The following STK32C variants were observed in gnomAD, a reference collection of about 807,000 sequenced individuals.
STK32C encodes serine/threonine kinase 32C.
Under a neutral mutation model 56.5 loss-of-function variants are expected in STK32C, and 31 were observed. That is an observed-to-expected ratio of 0.55 (90% confidence interval 0.41 to 0.74). The LOEUF (loss-of-function observed/expected upper bound fraction) is 0.74, where lower values mean the gene tolerates loss of function less well. Ranked by LOEUF, STK32C falls within the 30% of genes least tolerant of loss-of-function variation. STK32C has a pLI of 0.00. For synonymous variants in STK32C, 309 were observed against 289.4 expected, an observed-to-expected ratio of 1.07 and a Z score of -0.69; for missense variants, 544 against 676.9, an observed-to-expected ratio of 0.80 and a Z score of 2.18.
chr10:132,271,583 C>G (rs374277113), intron 1 of STK32C, among the ~76,000 whole-genome samples: 1 of 152,166 alleles, frequency 6.6e-6, no homozygotes, highest in Admixed American at 6.5e-5. Context: ...AGAAGGTGGC[C>G]GTGGCGTCAG....
intron 1 of STK32C, among the ~76,000 whole-genome samples, chr10:132,246,294 C>T (rs1343724788): frequency 6.6e-6 from 1 of 152,246 alleles, no homozygotes; most frequent in Non-Finnish European, 1.5e-5. Context: ...CCAGCCACCC[C>T]CACTGAAAGC....
At chr10:132,283,893 C>A (rs11146310) in intron 1 of STK32C, among the ~76,000 whole-genome samples, 74,607 of 151,982 alleles carry the variant, frequency 0.49, 18,585 homozygotes, top group Admixed American at 0.58. Flanking sequence ...TCCAGCCCCG[C>A]CCCATCCAAA....
At chr10:132,327,183 C>T (rs1008848697) in intron 1 of STK32C, among the ~76,000 whole-genome samples, 3 of 152,124 alleles carry the variant, frequency 2.0e-5, no homozygotes, top group African/African-American at 7.2e-5. Flanking sequence ...CCAGGCTGTT[C>T]TTGTGATAGT....
intron 2 of STK32C, among the ~76,000 whole-genome samples, chr10:132,239,308 C>A (rs1417778190): frequency 6.6e-6 from 1 of 152,212 alleles, no homozygotes; most frequent in Non-Finnish European, 1.5e-5. Context: ...ACCCAGTAAA[C>A]ATTCTCTGGA....
chr10:132,307,813 G>A lies in STK32C; in HGVS notation c.21C>T (p.Arg7=). 1 of 1,053,090 alleles carries A rather than the reference G, an allele frequency of 9.5e-7. No homozygotes were observed. The highest frequency in any genetic ancestry group is 1.1e-6 in the Non-Finnish European group (1 of 871,774). 65.2% of individuals were successfully genotyped at this position (1,053,090 alleles called of 1,614,324 possible). ...GGGACGCCGCGGCGCTGCTGCCCCT[G>A]CGCTCGGCGCCACTCCTCATCGCCG... is the stretch of plus-strand genomic sequence containing the variant. MRSGAE[R]RGSSAAASPG... The change falls in exon 1 of 12, where the codon CGC becomes CGT. Residue 7 remains arginine, a synonymous_variant. Transcript: ENST00000298630. The surrounding 1 kb of genome is among the most constrained non-coding windows in gnomAD (Gnocchi z 4.4).
In STK32C at chr10:132,225,891, C is replaced by G. The variant is rs970488155; in HGVS notation, c.645-107G>C. The G allele has an allele frequency of 1.0e-5, 15 of 1,430,980 alleles. No individual in the cohort carries two copies. The African/African-American group carries it at 1.7e-4, about 16-fold the overall frequency. The allele number at this position is 1,430,980 out of a possible 1,614,324, so 88.6% of individuals were successfully genotyped here. A position where few individuals can be genotyped will look rare whatever the true frequency, so the allele number is the denominator to read the frequency against. On this transcript the variant is annotated intron_variant, in intron 4 of 11. Transcript: ENST00000298630. ...CCCCAGGACATCCCACCAACCCACT[C>G]GAGGCAGAGGCCTGGGAGCTTGACT...
intron 1 of STK32C, among the ~76,000 whole-genome samples, chr10:132,261,334 C>G (rs1398883447): frequency 6.6e-6 from 1 of 152,134 alleles, no homozygotes; most frequent in Non-Finnish European, 1.5e-5. Flanking sequence ...TTTTATACAC[C>G]AATAACATTC....
rs528088480 is a variant in STK32C, at chr10:132,303,847, T to C, written c.262+3725A>G. Among the ~76,000 whole-genome samples, 5 of 152,318 alleles carry C rather than the reference T, an allele frequency of 3.3e-5. No individual in the cohort carries two copies. The South Asian group carries it at 8.3e-4, about 25-fold the overall frequency. On this transcript the variant is annotated intron_variant, in intron 1 of 11. Coordinates refer to ENST00000298630, the MANE Select transcript of STK32C (RefSeq NM_173575.4). Reference sequence around the variant, plus strand: ...TCCTGGAGCAAGTGAAAATGGGTTTTCCCTTCCCGCCAGCTCCGCTGGCAG... The same window carrying C: ...TCCTGGAGCAAGTGAAAATGGGTTTCCCCTTCCCGCCAGCTCCGCTGGCAG...
chr10:132,229,567 G>GT (rs1458343343), intron 2 of STK32C, among the ~76,000 whole-genome samples: 1 of 152,212 alleles, frequency 6.6e-6, no homozygotes. Context: ...GCCACGAATG[G>GT]TAACATGTTT....
At chr10:132,252,384 A>C (rs1473299941) in intron 1 of STK32C, among the ~76,000 whole-genome samples, 1 of 152,264 alleles carries the variant, frequency 6.6e-6, no homozygotes, top group African/African-American at 2.4e-5. Flanking sequence ...TTGGCAAAGA[A>C]GTGTGGGCAT....
chr10:132,264,905 C>T (rs911531295), intron 1 of STK32C, among the ~76,000 whole-genome samples: 1 of 152,248 alleles, frequency 6.6e-6, no homozygotes, highest in Non-Finnish European at 1.5e-5. Flanking sequence ...TTAGGAAAGA[C>T]GTTAAACTAT....
At chr10:132,265,358 C>T (rs1488025484) in intron 1 of STK32C, among the ~76,000 whole-genome samples, 2 of 152,204 alleles carry the variant, frequency 1.3e-5, no homozygotes, top group East Asian at 3.9e-4. Context: ...ACACTCAGCC[C>T]AGGCCTGGCC....
chr10:132,221,710 C>T (rs371008264), intron 10 of STK32C, among the ~76,000 whole-genome samples: 95 of 143,578 alleles, frequency 6.6e-4, no homozygotes, highest in African/African-American at 2.5e-3. Context: ...GATGCTGACG[C>T]ACCTGGGCGA....
rs1325610129 is a variant in STK32C at position 132,230,264 on chromosome 10, AGCCCCTGGCT to A, written c.319-2146_319-2137del. Among the ~76,000 whole-genome samples the A allele has an allele frequency of 5.9e-5, 9 of 152,256 alleles. No homozygotes were observed. In the South Asian group the frequency reaches 6.2e-4, roughly 10 times the overall value. On this transcript the variant is annotated intron_variant, in intron 2 of 11. Coordinates refer to ENST00000298630, the MANE Select transcript of STK32C (RefSeq NM_173575.4). ...AATGACAGTGAGCGTAAGCTGCAGC[AGCCCCTGGCT>A]GCCCCTGGCAGGACCCCCTCCTGCC... is the stretch of plus-strand genomic sequence containing the variant.
intron 2 of STK32C, among the ~76,000 whole-genome samples, chr10:132,238,946 G>A (rs1365476513): frequency 2.0e-5 from 3 of 152,192 alleles, no homozygotes; most frequent in Admixed American, 1.3e-4. Context: ...CTGCAGTGCC[G>A]GGGTGACTGT....
At chr10:132,218,085 G>A (rs2062524846) in intron 10 of STK32C, among the ~76,000 whole-genome samples, 1 of 152,112 alleles carries the variant, frequency 6.6e-6, no homozygotes, top group Non-Finnish European at 1.5e-5. Flanking sequence ...ATTTTGGGAG[G>A]CTGAGGTGGG....
intron 1 of STK32C, among the ~76,000 whole-genome samples, chr10:132,284,805 C>T (rs111817982): frequency 2.7e-5 from 4 of 146,582 alleles, no homozygotes; most frequent in Admixed American, 6.7e-5. Flanking sequence ...ACCCAGAACA[C>T]ATTCCCACGT....
chr10:132,284,085 C>T (rs1204560804), intron 1 of STK32C, among the ~76,000 whole-genome samples: 1 of 151,896 alleles, frequency 6.6e-6, no homozygotes, highest in East Asian at 1.9e-4. Flanking sequence ...CTCTGACCAA[C>T]CATGAGCAGA....
chr10:132,269,546 G>A (rs1477406624), intron 1 of STK32C, among the ~76,000 whole-genome samples: 1 of 152,250 alleles, frequency 6.6e-6, no homozygotes, highest in Non-Finnish European at 1.5e-5. Flanking sequence ...AAGAGCCAGC[G>A]CCTCTGGGCT....
Sources: gnomAD v4.1 joint callset for allele counts (sites outside exome capture counted in the v4.1 genomes callset) on GRCh38, gnomAD v4.1.1 for gene constraint, Gnocchi (gnomAD v3.1) non-coding constraint, MANE v1.5 for transcripts, NCBI Gene and HGNC (gene_info 2026-07-23, HGNC 2026-07-21) for gene names.